WWP2: variants seen among roughly 807,000 people sequenced by gnomAD.
WWP2 encodes NEDD4-like E3 ubiquitin-protein ligase WWP2.
Under a neutral mutation model 121.0 loss-of-function variants are expected in WWP2, and 57 were observed. That is an observed-to-expected ratio of 0.47 (90% CI 0.38 to 0.59). The LOEUF is 0.59. WWP2 is among the 20% of genes least tolerant of loss of function. The pLI is 0.00. For missense variants in WWP2, 962 were observed against 1,158.9 expected (o/e 0.83, Z 2.47); for synonymous variants, 449 against 441.3 (o/e 1.02, Z -0.22).
intron 10 of WWP2, among the ~76,000 whole-genome samples, chr16:69,921,194 C>G (rs1198160132): frequency 6.6e-6 from 1 of 152,140 alleles, no homozygotes; most frequent in Non-Finnish European, 1.5e-5. Context: ...TTCAATGTCT[C>G]TCTGTTGATT....
intron 10 of WWP2, among the ~76,000 whole-genome samples, chr16:69,922,413 A>G (rs1025464287): frequency 6.6e-6 from 1 of 152,186 alleles, no homozygotes; most frequent in East Asian, 1.9e-4. Flanking sequence ...AACTCTCATG[A>G]GCTCTCTGGC....
At chr16:69,931,431 A>C in intron 14 of WWP2, 78 bp from the exon 15 acceptor site, 1 of 1,575,138 alleles carries the variant, frequency 6.3e-7, no homozygotes, top group Non-Finnish European at 8.7e-7. Context: ...CAGGCTGGGG[A>C]ATGCCTGTTC....
At chr16:69,808,050 A>G (rs979409890) in intron 4 of WWP2, among the ~76,000 whole-genome samples, 1 of 152,224 alleles carries the variant, frequency 6.6e-6, no homozygotes, top group Non-Finnish European at 1.5e-5. Flanking sequence ...ATCAAGACAT[A>G]GCATATTTCT....
intron 9 of WWP2, among the ~76,000 whole-genome samples, chr16:69,915,357 T>C (rs7193518): frequency 0.76 from 114,772 of 151,826 alleles, 44,293 homozygotes; most frequent in East Asian, 0.96. Context: ...GCAATACCTA[T>C]ATCCTCATCC....
chr16:69,912,514 G>T (rs1006306301), intron 9 of WWP2, among the ~76,000 whole-genome samples: 13 of 151,974 alleles, frequency 8.6e-5, no homozygotes, highest in Admixed American at 6.6e-5. Flanking sequence ...TCAGAAACAA[G>T]AGATTAAATG....
At chr16:69,766,215 G>T (rs539001050) in intron 1 of WWP2, among the ~76,000 whole-genome samples, 3 of 152,166 alleles carry the variant, frequency 2.0e-5, no homozygotes, top group East Asian at 1.9e-4. Context: ...CCCTTGACTC[G>T]TCTCTTCCTC....
intron 8 of WWP2, 72 bp downstream of exon 8, chr16:69,888,321 A>G: frequency 6.7e-7 from 1 of 1,493,442 alleles, no homozygotes. Flanking sequence ...GGGTGGAAAC[A>G]ACGTGGTTAT....
chr16:69,936,396 G>A lies in WWP2; in HGVS notation c.2061G>A (p.Leu687=), dbSNP rs1251131570. Residue 687 remains leucine (L), a synonymous_variant, in exon 19 of 24, where the codon CTG becomes CTA. Transcript: ENST00000359154. ...TGGGCAAGGTGACGACCCACGAGCT[G>A]AAGGAGGGCGGCGAGAGCATCCGGG... ...EILGKVTTHE[L]KEGGESIRVT... is the part of the protein sequence containing the mutation. 6.2e-7 allele frequency: 1 copy of A among 1,614,004 alleles called. No homozygotes were observed. The highest frequency in any genetic ancestry group is 1.3e-5 in the African/African-American group (1 of 74,934).
At position 69,788,984 on chromosome 16, in the gene WWP2, T is replaced by G. The variant is rs181646418; in HGVS notation, c.70+1904T>G. On this transcript the variant is annotated intron_variant, in intron 2 of 23. Coordinates refer to ENST00000359154, the MANE Select transcript of WWP2 (RefSeq NM_001270454.2). Reference sequence around the variant, plus strand: ...AAATTGTGTCTCTTGGGAATATTTTTCTTGAGTATTTTTGAAATGCAAATG... The same window carrying G: ...AAATTGTGTCTCTTGGGAATATTTTGCTTGAGTATTTTTGAAATGCAAATG... Among the ~76,000 whole-genome samples, 32 of 152,372 alleles carry G rather than the reference T, an allele frequency of 2.1e-4. 1 individual carries two copies. Among genetic ancestry groups the G allele is most frequent in the Middle Eastern group, 3.4e-3 (1 of 294 alleles).
At chr16:69,917,948 G>T (rs2058500984) in intron 10 of WWP2, 65 bp downstream of exon 10, 2 of 1,197,458 alleles carry the variant, frequency 1.7e-6, no homozygotes, top group Admixed American at 2.4e-5. Flanking sequence ...GTGCAGCCAC[G>T]TGTTCTCTGT....
In WWP2 at chr16:69,787,054, T is replaced by G; in HGVS notation, c.44T>G (p.Phe15Cys). 1 of 1,613,636 alleles carries G rather than the reference T, an allele frequency of 6.2e-7. No homozygotes were observed. The highest frequency in any genetic ancestry group is 2.2e-5 in the East Asian group (1 of 44,878). The change falls in exon 2 of 24, where the codon TTT becomes TGT. Residue 15 changes from phenylalanine to cysteine, a missense_variant. Transcript: ENST00000359154. ...SSSRAGVALP[F>C]EKSQLTLKVV... is the part of the protein sequence containing the mutation. ...AGCCGGGCAGGAGTGGCCCTGCCTTTTGAGAAGTCTCAGCTCACTTTGAAA... is the reference window on the plus strand; with the variant it reads ...AGCCGGGCAGGAGTGGCCCTGCCTTGTGAGAAGTCTCAGCTCACTTTGAAA...
chr16:69,870,144 G>C (rs762334892), intron 6 of WWP2, among the ~76,000 whole-genome samples: 2 of 152,098 alleles, frequency 1.3e-5, no homozygotes. Flanking sequence ...TCTGTAAAGC[G>C]GGGATAATAA....
chr16:69,867,126 A>G (rs1451069921), intron 6 of WWP2, among the ~76,000 whole-genome samples: 4 of 147,898 alleles, frequency 2.7e-5, no homozygotes, highest in African/African-American at 5.0e-5. Flanking sequence ...ATGAGCCACT[A>G]CACCTGGCCA....
chr16:69,785,097 G>A (rs1180515284), intron 1 of WWP2, among the ~76,000 whole-genome samples: 1 of 151,948 alleles, frequency 6.6e-6, no homozygotes, highest in Non-Finnish European at 1.5e-5. Flanking sequence ...TTAGCCAGGT[G>A]GTGCTGGTGC....
At chr16:69,938,865 AC>A (rs1269756456) in intron 21 of WWP2, among the ~76,000 whole-genome samples, 161 bp from the exon 22 acceptor site, 9 of 152,288 alleles carry the variant, frequency 5.9e-5, no homozygotes, top group African/African-American at 1.9e-4. Context: ...TAGCAAAAGC[AC>A]TTCTGGGGTT....
intron 7 of WWP2, among the ~76,000 whole-genome samples, chr16:69,882,178 A>T (rs1358547999): frequency 6.6e-6 from 1 of 150,894 alleles, no homozygotes; most frequent in Non-Finnish European, 1.5e-5. Context: ...CTGGTCTTGA[A>T]CTCCTGACCT....
At chr16:69,870,193 C>T (rs1445997495) in intron 6 of WWP2, among the ~76,000 whole-genome samples, 1 of 151,880 alleles carries the variant, frequency 6.6e-6, no homozygotes, top group African/African-American at 2.4e-5. Flanking sequence ...TAAATGAGAA[C>T]ATATATGTAA....
intron 4 of WWP2, among the ~76,000 whole-genome samples, chr16:69,819,496 C>T (rs774979017): frequency 9.3e-4 from 141 of 152,208 alleles, no homozygotes; most frequent in Non-Finnish European, 1.8e-3. Flanking sequence ...CCTTAAATCT[C>T]TCCTGAAACT....
intron 1 of WWP2, among the ~76,000 whole-genome samples, chr16:69,778,998 G>A: frequency 6.7e-6 from 1 of 149,238 alleles, no homozygotes; most frequent in East Asian, 2.0e-4. Flanking sequence ...TGCCCAGGCT[G>A]GAGTGCAATG....
Sources: allele counts gnomAD v4.1 joint callset (sites outside exome capture counted in the v4.1 genomes callset), GRCh38; gene constraint gnomAD v4.1.1; transcripts MANE v1.5; gene names NCBI Gene and HGNC (gene_info 2026-07-23, HGNC 2026-07-21).